Variants in PRELID2 observed in about 807,000 individuals in gnomAD.
PRELID2 encodes PRELI domain containing 2, also known as PRELI domain-containing protein 2.
Under a neutral mutation model 28.4 loss-of-function variants are expected in PRELID2, and 25 were observed. That is an observed-to-expected ratio of 0.88 (90% CI 0.64 to 1.23). PRELID2 has a LOEUF of 1.23. Ranked by LOEUF, PRELID2 falls within the 50% of genes most tolerant of loss-of-function variation. PRELID2 has a pLI of 0.00. For missense variants in PRELID2, 201 were observed against 214.4 expected (o/e 0.94, Z 0.39); for synonymous variants, 76 against 71.6 (o/e 1.06, Z -0.31).
the PRELID2 span, among the ~76,000 whole-genome samples, chr5:145,345,349 A>G: frequency 1.3e-5 from 2 of 151,826 alleles, no homozygotes; most frequent in African/African-American, 4.8e-5. Flanking sequence ...ATTGATGACC[A>G]CAGACTCATT....
At chr5:145,516,711 G>A (rs1752520007) in intron 1 of PRELID2, among the ~76,000 whole-genome samples, 1 of 152,112 alleles carries the variant, frequency 6.6e-6, no homozygotes, top group South Asian at 2.1e-4. Context: ...TAAAGCTGAA[G>A]GCACCACACG....
chr5:145,728,615 A>G (rs1475233741), intron 1 of PRELID2: 3 of 1,065,862 alleles, frequency 2.8e-6, no homozygotes, highest in African/African-American at 1.6e-5. Flanking sequence ...TGACCACTGT[A>G]ACATTATAGA....
intron 1 of PRELID2, among the ~76,000 whole-genome samples, chr5:145,491,316 G>A (rs1314009104): frequency 6.6e-6 from 1 of 152,092 alleles, no homozygotes; most frequent in Admixed American, 6.5e-5. Context: ...GGGCCAAGGA[G>A]CTCCCTTGGG....
chr5:145,650,168 C>T (rs1754264400), intron 1 of PRELID2, among the ~76,000 whole-genome samples: 1 of 150,062 alleles, frequency 6.7e-6, no homozygotes, highest in Admixed American at 6.6e-5. Context: ...TTACTAAGGA[C>T]CCTCTTCCCT....
At chr5:145,526,087 G>A (rs888618636) in intron 1 of PRELID2, among the ~76,000 whole-genome samples, 4 of 152,182 alleles carry the variant, frequency 2.6e-5, no homozygotes, top group African/African-American at 9.6e-5. Flanking sequence ...CACCATCATA[G>A]CTATAAAAGC....
intron 1 of PRELID2, among the ~76,000 whole-genome samples, chr5:145,621,219 C>T (rs1352145780): frequency 6.6e-6 from 1 of 152,108 alleles, no homozygotes; most frequent in African/African-American, 2.4e-5. Flanking sequence ...CAAGGTGAAT[C>T]AAACCCATCA....
chr5:145,511,226 C>T (rs1333992143), intron 1 of PRELID2, among the ~76,000 whole-genome samples: 1 of 152,190 alleles, frequency 6.6e-6, no homozygotes, highest in Non-Finnish European at 1.5e-5. Context: ...TGATGATCTT[C>T]AAGAAATGCA....
chr5:145,669,026 T>C (rs1481049654), intron 1 of PRELID2, among the ~76,000 whole-genome samples: 1 of 152,122 alleles, frequency 6.6e-6, no homozygotes, highest in Non-Finnish European at 1.5e-5. Flanking sequence ...ACAGAAACTT[T>C]CCTCAGACAC....
At chr5:145,387,631 T>C in the PRELID2 span, among the ~76,000 whole-genome samples, 1 of 152,104 alleles carries the variant, frequency 6.6e-6, no homozygotes, top group Non-Finnish European at 1.5e-5. Context: ...CACCTGGACA[T>C]TGGTTTAAAG....
intron 4 of PRELID2, among the ~76,000 whole-genome samples, chr5:145,809,229 A>C (rs1753766189): frequency 1.3e-5 from 2 of 152,002 alleles, no homozygotes; most frequent in Non-Finnish European, 2.9e-5. Flanking sequence ...TTTAGTAGAG[A>C]CAGGGTTTCT....
At chr5:145,731,617 C>G (rs1240266955) in intron 1 of PRELID2, among the ~76,000 whole-genome samples, 1 of 152,222 alleles carries the variant, frequency 6.6e-6, no homozygotes, top group African/African-American at 2.4e-5. Context: ...CCTCACTATA[C>G]TTTGTTCCTT....
the PRELID2 span, among the ~76,000 whole-genome samples, chr5:145,334,875 T>A: frequency 6.6e-6 from 1 of 152,114 alleles, no homozygotes; most frequent in Non-Finnish European, 1.5e-5. Context: ...AATGTCCTTG[T>A]GTGTCAAGTT....
chr5:145,240,939 C>T, the PRELID2 span, among the ~76,000 whole-genome samples: 3 of 152,084 alleles, frequency 2.0e-5, no homozygotes, highest in African/African-American at 7.2e-5. Flanking sequence ...ATTATTTGAT[C>T]TCCTATGCTG....
the PRELID2 span, among the ~76,000 whole-genome samples, chr5:145,256,242 C>T: frequency 6.6e-6 from 1 of 151,992 alleles, no homozygotes; most frequent in Non-Finnish European, 1.5e-5. Context: ...CTGAATCTCT[C>T]TCACATCTTA....
At chr5:145,747,745 T>A (rs1284812542) in intron 1 of PRELID2, among the ~76,000 whole-genome samples, 1 of 152,164 alleles carries the variant, frequency 6.6e-6, no homozygotes, top group African/African-American at 2.4e-5. Flanking sequence ...TAAACATCGA[T>A]GCAATAATCC....
downstream of PRELID2, among the ~76,000 whole-genome samples, chr5:145,756,140 A>G (rs2149755879): frequency 6.6e-6 from 1 of 152,220 alleles, no homozygotes; most frequent in African/African-American, 2.4e-5. Context: ...CACCCAGGTC[A>G]CTCAATAATG....
Position 145,835,330 on chromosome 5 carries a change from G to A in PRELID2, c.-79C>T, listed in dbSNP as rs1393901330. The A allele has an allele frequency of 8.4e-6, 8 of 950,252 alleles. No individual in the cohort carries two copies. The East Asian group carries it at 1.4e-4, about 16-fold the overall frequency. 58.9% of individuals were successfully genotyped at this position (950,252 alleles called of 1,614,324 possible). Reference sequence around the variant, plus strand: ...GCCCAGGGCTCCGCAGAGGCCCGGAGGCGCCCACACTCGGACAGCCACATG... The same window carrying A: ...GCCCAGGGCTCCGCAGAGGCCCGGAAGCGCCCACACTCGGACAGCCACATG... On this transcript the variant is annotated 5_prime_UTR_variant, in exon 1 of 7. Transcript: ENST00000683046.
chr5:145,555,037 A>G (rs747666450), intron 1 of PRELID2, among the ~76,000 whole-genome samples: 3 of 152,250 alleles, frequency 2.0e-5, no homozygotes, highest in Admixed American at 2.0e-4. Flanking sequence ...CTTCAAATCC[A>G]TCTTTGGATA....
the PRELID2 span, among the ~76,000 whole-genome samples, chr5:145,364,786 G>A: frequency 2.6e-5 from 4 of 152,064 alleles, no homozygotes; most frequent in Admixed American, 2.0e-4. Flanking sequence ...TGATTGCTGG[G>A]TGGTAAAAAG....
Sources: gnomAD v4.1 joint callset for allele counts (sites outside exome capture counted in the v4.1 genomes callset) on GRCh38, gnomAD v4.1.1 for gene constraint, MANE v1.5 for transcripts, NCBI Gene and HGNC (gene_info 2026-07-23, HGNC 2026-07-21) for gene names.